Variants in AGAP1 observed in about 807,000 individuals in gnomAD.
AGAP1 encodes arf-GAP with GTPase, ANK repeat and PH domain-containing protein 1.
Under a neutral mutation model 105.3 loss-of-function variants are expected in AGAP1, and 29 were observed. The ratio of observed to expected loss-of-function variants is 0.28; its 90% CI spans 0.21 to 0.38. AGAP1 has a LOEUF of 0.38. Among genes scored for constraint, AGAP1 ranks in the 10% least tolerant of loss-of-function variants. The pLI, the probability that AGAP1 is intolerant of heterozygous loss-of-function variation, is 1.00. For missense variants in AGAP1, 998 were observed against 1,165.1 expected (o/e 0.86, Z 2.09); for synonymous variants, 509 against 485.9 (o/e 1.05, Z -0.63).
Position 236,046,428 on chromosome 2 carries a change from T to TA in AGAP1, c.1892-2629dup, listed in dbSNP as rs2057719817. Among the ~76,000 whole-genome samples the TA allele has an allele frequency of 6.6e-6, 1 of 152,068 alleles. No homozygotes were observed. Among genetic ancestry groups the TA allele is most frequent in the African/African-American group, 2.4e-5 (1 of 41,402 alleles). ...GCTGGTGAGGACGCCCATGGGAGCA[T>TA]AAGTTCGAGAAGAAAGCGTTGGACT... On this transcript the variant is annotated intron_variant, in intron 15 of 17. Coordinates refer to ENST00000304032, the MANE Select transcript of AGAP1 (RefSeq NM_001037131.3). This position sits in a 1 kb window ranked among gnomAD's most constrained non-coding sequence, Gnocchi z 5.2.
intron 1 of AGAP1, among the ~76,000 whole-genome samples, chr2:235,554,615 A>G (rs1301889946): frequency 1.3e-5 from 2 of 152,192 alleles, no homozygotes; most frequent in Non-Finnish European, 2.9e-5. Flanking sequence ...AAATGCCTTG[A>G]TGCCACTTGG....
chr2:235,779,150 C>A (rs1293528867), intron 6 of AGAP1, among the ~76,000 whole-genome samples: 1 of 152,218 alleles, frequency 6.6e-6, no homozygotes. Context: ...AGAACACAGA[C>A]TCATCTGCAA....
At position 236,108,042 on chromosome 2, in the gene AGAP1, G is replaced by T. The variant is rs190027147; in HGVS notation, c.2115-12150G>T. Among the ~76,000 whole-genome samples the T allele has an allele frequency of 6.4e-4, 98 of 152,318 alleles. 1 individual carries two copies. The highest frequency in any genetic ancestry group is 2.1e-3 in the African/African-American group (89 of 41,578). On this transcript the variant is annotated intron_variant, in intron 16 of 17. Coordinates refer to ENST00000304032, the MANE Select transcript of AGAP1 (RefSeq NM_001037131.3). The stretch of plus-strand genomic sequence containing the variant: ...CCTTGTCCACTGCCTCCTCCTCCCC[G>T]CATGCGGGATTTACAGTGGCCAGCT...
rs142292336 is a variant in AGAP1, at chr2:235,786,755, C to G, written c.674-11004C>G. ...TTCTTGTGCCCTGTGACGAGAAGAG[C>G]ACAGCTCTCTTACTCTGAGCAGGTG... On this transcript the variant is annotated intron_variant, in intron 6 of 17. Coordinates refer to ENST00000304032, the MANE Select transcript of AGAP1 (RefSeq NM_001037131.3). Among the ~76,000 whole-genome samples, 191 of 152,296 alleles carry G rather than the reference C, an allele frequency of 1.3e-3. 1 individual carries two copies. The highest frequency in any genetic ancestry group is 6.8e-3 in the Middle Eastern group (2 of 294).
Position 236,127,539 on chromosome 2 carries a change from A to G in AGAP1, c.*3417A>G, listed in dbSNP as rs949069174. On this transcript the variant is annotated 3_prime_UTR_variant, in exon 18 of 18. Coordinates refer to ENST00000304032, the MANE Select transcript of AGAP1 (RefSeq NM_001037131.3). The surrounding 1 kb of genome is among the most constrained non-coding windows in gnomAD (Gnocchi z 6.6). ...GCATTTCCTGCAGAGCCTCTAGTGC[A>G]CAGGCCAGTTCTCGGCAGTGGCTTT... is the stretch of plus-strand genomic sequence containing the variant. The G allele has an allele frequency of 6.6e-6, 1 of 152,248 alleles. No homozygotes were observed. Among genetic ancestry groups the G allele is most frequent in the Non-Finnish European group, 1.5e-5 (1 of 68,066 alleles). 9.4% of individuals were successfully genotyped at this position (152,248 alleles called of 1,614,324 possible). A position where few individuals can be genotyped will look rare whatever the true frequency, so the allele number is the denominator to read the frequency against.
At chr2:235,846,784 A>C (rs1030352095) in intron 9 of AGAP1, among the ~76,000 whole-genome samples, 1 of 151,742 alleles carries the variant, frequency 6.6e-6, no homozygotes, top group Non-Finnish European at 1.5e-5. Context: ...CTACAAGCAT[A>C]CTCCACCATG....
At chr2:235,644,839 A>G (rs947501263) in intron 1 of AGAP1, among the ~76,000 whole-genome samples, 7 of 151,878 alleles carry the variant, frequency 4.6e-5, no homozygotes, top group Non-Finnish European at 7.4e-5. Context: ...TCTTTCAAGG[A>G]TGACTTGCGT....
intron 3 of AGAP1, 77 bp downstream of exon 3, chr2:235,717,721 G>C: frequency 8.2e-7 from 1 of 1,213,902 alleles, no homozygotes; most frequent in Non-Finnish European, 1.2e-6. Flanking sequence ...TATAAATCAT[G>C]ACTTTGATGT....
At chr2:236,122,655 C>T (rs1187856681) in intron 17 of AGAP1, among the ~76,000 whole-genome samples, 1 of 151,628 alleles carries the variant, frequency 6.6e-6, no homozygotes, top group Non-Finnish European at 1.5e-5. Flanking sequence ...GGACATACAT[C>T]CGGGCACTGT....
At chr2:235,899,130 C>T (rs925179976) in intron 10 of AGAP1, among the ~76,000 whole-genome samples, 1 of 152,250 alleles carries the variant, frequency 6.6e-6, no homozygotes, top group Admixed American at 6.5e-5. Context: ...GGAGTTTGTC[C>T]GTGTTACCTT....
In AGAP1 at chr2:236,020,622, A is replaced by G. The variant is rs2056853203; in HGVS notation, c.1646-15939A>G. Among the ~76,000 whole-genome samples, 2 of 152,188 alleles carry G rather than the reference A, an allele frequency of 1.3e-5. No individual in the cohort carries two copies. Among genetic ancestry groups the G allele is most frequent in the South Asian group, 2.1e-4 (1 of 4,812 alleles). On this transcript the variant is annotated intron_variant, in intron 13 of 17. Transcript: ENST00000304032. This position sits in a 1 kb window ranked among gnomAD's most constrained non-coding sequence, Gnocchi z 5.0. The stretch of plus-strand genomic sequence containing the variant: ...TCCTCGCATGCAGACAATAAAACCT[A>G]CCTTGAAGGGTAATTGAAGAAGAAA...
chr2:235,664,870 C>T lies in AGAP1; in HGVS notation c.164-44309C>T, dbSNP rs1045554104. ...ACCTCAACCCTTAGCCAGGTGCAGG[C>T]GTAACAAGGGAGACCCACCTGTGCA... On this transcript the variant is annotated intron_variant, in intron 1 of 17. Transcript: ENST00000304032. The surrounding 1 kb of genome is among the most constrained non-coding windows in gnomAD (Gnocchi z 5.7). Among the ~76,000 whole-genome samples the T allele has an allele frequency of 5.9e-5, 9 of 152,102 alleles. No individual in the cohort carries two copies. Among genetic ancestry groups the T allele is most frequent in the African/African-American group, 1.7e-4 (7 of 41,496 alleles).
At chr2:235,898,134 G>T (rs1203269653) in intron 10 of AGAP1, among the ~76,000 whole-genome samples, 1 of 152,202 alleles carries the variant, frequency 6.6e-6, no homozygotes, top group Non-Finnish European at 1.5e-5. Flanking sequence ...AATGAACCAT[G>T]TCTTATTTAG....
intron 1 of AGAP1, among the ~76,000 whole-genome samples, chr2:235,650,618 C>T (rs989186618): frequency 1.3e-5 from 2 of 152,144 alleles, no homozygotes; most frequent in Non-Finnish European, 2.9e-5. Flanking sequence ...CTGAGTGTTC[C>T]TGGAAATTAG....
chr2:236,081,326 C>T (rs577134986), intron 16 of AGAP1, among the ~76,000 whole-genome samples: 20 of 152,248 alleles, frequency 1.3e-4, no homozygotes, highest in African/African-American at 4.3e-4. Flanking sequence ...AGAGTAACTA[C>T]ACTTGCCATA....
chr2:235,969,853 C>T (rs962188251), intron 13 of AGAP1, among the ~76,000 whole-genome samples: 1 of 152,192 alleles, frequency 6.6e-6, no homozygotes, highest in Non-Finnish European at 1.5e-5. Flanking sequence ...TCCTTCACCA[C>T]GTTTCTTCCT....
chr2:235,799,247 C>T lies in AGAP1; in HGVS notation c.802-120C>T, dbSNP rs111267163. 3,821 of 1,147,694 alleles carry T rather than the reference C, an allele frequency of 3.3e-3. 75 individuals are homozygous for T. The African/African-American group carries it at 0.05, about 15-fold the overall frequency. 71.1% of individuals were successfully genotyped at this position (1,147,694 alleles called of 1,614,324 possible). ...GGCAAAGCCATAGACGCAAGTCAGC[C>T]ATTCCCATGCATCCCTTCCATGGGG... is the stretch of plus-strand genomic sequence containing the variant. On this transcript the variant is annotated intron_variant, in intron 7 of 17. Transcript: ENST00000304032. The surrounding 1 kb of genome is among the most constrained non-coding windows in gnomAD (Gnocchi z 5.0).
rs1470604253 is a variant in AGAP1 at position 235,620,603 on chromosome 2, T to C, written c.164-88576T>C. Among the ~76,000 whole-genome samples, 1 of 152,114 alleles carries C rather than the reference T, an allele frequency of 6.6e-6. No homozygotes were observed. Among genetic ancestry groups the C allele is most frequent in the African/African-American group, 2.4e-5 (1 of 41,428 alleles). ...GACCCTCCGTGGCACCTGGCCTTCC[T>C]CCCAGCCACAGCCCCTCCTCCTCAC... On this transcript the variant is annotated intron_variant, in intron 1 of 17. Coordinates refer to ENST00000304032, the MANE Select transcript of AGAP1 (RefSeq NM_001037131.3). The surrounding 1 kb of genome is among the most constrained non-coding windows in gnomAD (Gnocchi z 4.5).
rs1955975663 is a variant in AGAP1 at position 235,777,569 on chromosome 2, A to G, written c.674-20190A>G. 6.6e-6 allele frequency among the ~76,000 whole-genome samples: 1 copy of G among 152,186 alleles called. No homozygotes were observed. Among genetic ancestry groups the G allele is most frequent in the South Asian group, 2.1e-4 (1 of 4,830 alleles). On this transcript the variant is annotated intron_variant, in intron 6 of 17. Transcript: ENST00000304032. This position sits in a 1 kb window ranked among gnomAD's most constrained non-coding sequence, Gnocchi z 5.1. The stretch of plus-strand genomic sequence containing the variant: ...GCTGTACTCGCCATGTCCTGTTGCC[A>G]TAGAGGACGAGTCACAGCTGTCTCA...
Sources: allele counts gnomAD v4.1 joint callset (sites outside exome capture counted in the v4.1 genomes callset), GRCh38; gene constraint gnomAD v4.1.1; non-coding constraint Gnocchi (gnomAD v3.1); transcripts MANE v1.5; gene names NCBI Gene and HGNC (gene_info 2026-07-23, HGNC 2026-07-21).